Variants in DLGAP1 observed in about 807,000 individuals in gnomAD.
The protein encoded by DLGAP1 is DLG associated protein 1.
Under a neutral mutation model 90.8 loss-of-function variants are expected in DLGAP1, and 11 were observed. That is an observed-to-expected ratio of 0.12 (90% CI 0.08 to 0.20). The LOEUF (loss-of-function observed/expected upper bound fraction) is 0.20, where lower values mean the gene tolerates loss of function less well. DLGAP1 is among the 10% of genes least tolerant of loss of function. DLGAP1 has a pLI of 1.00. For synonymous variants in DLGAP1, 558 were observed against 540.7 expected (o/e 1.03, Z -0.44); for missense variants, 1,050 against 1,333.8 (o/e 0.79, Z 3.31).
intron 2 of DLGAP1, among the ~76,000 whole-genome samples, chr18:4,104,765 T>A (rs2075832624): frequency 6.6e-6 from 1 of 152,196 alleles, no homozygotes; most frequent in Non-Finnish European, 1.5e-5. Flanking sequence ...AAGAATATAA[T>A]AAGAAGGGGT....
At chr18:4,450,758 C>T (rs1366229832) in intron 1 of DLGAP1, among the ~76,000 whole-genome samples, 1 of 152,176 alleles carries the variant, frequency 6.6e-6, no homozygotes, top group African/African-American at 2.4e-5. Context: ...TCAATGGCAA[C>T]AGATGAGCAA....
At chr18:3,920,813 ATAGTTTCAC>A (rs1481383739) in intron 3 of DLGAP1, among the ~76,000 whole-genome samples, 2 of 152,198 alleles carry the variant, frequency 1.3e-5, no homozygotes, top group African/African-American at 4.8e-5. Context: ...CCCATTTTCA[ATAGTTTCAC>A]TAAACATTGA....
chr18:4,207,558 C>T (rs1001667047), intron 1 of DLGAP1, among the ~76,000 whole-genome samples: 2 of 152,246 alleles, frequency 1.3e-5, no homozygotes, highest in Admixed American at 1.3e-4. Flanking sequence ...CTGAGGTAGT[C>T]ACAAGCCCAC....
intron 8 of DLGAP1, among the ~76,000 whole-genome samples, chr18:3,581,076 T>G (rs892083743): frequency 2.0e-5 from 3 of 152,218 alleles, no homozygotes; most frequent in Non-Finnish European, 4.4e-5. Flanking sequence ...TCAACTAGGC[T>G]TGAACCCCAC....
chr18:3,600,698 A>C (rs1410214094), intron 7 of DLGAP1, among the ~76,000 whole-genome samples: 2 of 133,554 alleles, frequency 1.5e-5, no homozygotes, highest in African/African-American at 6.0e-5. Context: ...ATCTATATAG[A>C]TATCTATAGC....
rs768189051 is a variant in DLGAP1 at position 3,534,360 on chromosome 18, G to C, written c.2313C>G (p.Pro771=). Residue 771 remains proline (P), a synonymous_variant, in exon 10 of 13, where the codon CCC becomes CCG. Coordinates refer to ENST00000315677, the MANE Select transcript of DLGAP1 (RefSeq NM_004746.4). ...FDPSILPPPD[P]WIDSITEDPL... is the part of the protein sequence containing the mutation. ...GGTCTTCAGTGATAGAGTCAATCCA[G>C]GGGTCCGGAGGAGGCAGAATAGAGG... 6.2e-7 allele frequency: 1 copy of C among 1,614,156 alleles called. No homozygotes were observed. The highest frequency in any genetic ancestry group is 8.5e-7 in the Non-Finnish European group (1 of 1,180,004).
chr18:4,180,566 A>C (rs2077190124), intron 1 of DLGAP1, among the ~76,000 whole-genome samples: 1 of 152,156 alleles, frequency 6.6e-6, no homozygotes, highest in Admixed American at 6.6e-5. Flanking sequence ...CTGGGATCTG[A>C]TGTTGAAGGT....
intron 3 of DLGAP1, among the ~76,000 whole-genome samples, chr18:3,889,418 CATATAT>C (rs142619953): frequency 1.3e-5 from 2 of 149,658 alleles, no homozygotes; most frequent in Admixed American, 1.3e-4. Context: ...TACATACATG[CATATAT>C]ATATATATAT....
At chr18:4,210,731 A>G (rs1325023970) in intron 1 of DLGAP1, among the ~76,000 whole-genome samples, 1 of 152,170 alleles carries the variant, frequency 6.6e-6, no homozygotes, top group African/African-American at 2.4e-5. Flanking sequence ...TATAAAAACC[A>G]AAATTTAGAA....
chr18:3,623,085 G>A (rs987304255), intron 7 of DLGAP1, among the ~76,000 whole-genome samples: 3 of 152,034 alleles, frequency 2.0e-5, no homozygotes, highest in Admixed American at 6.6e-5. Flanking sequence ...GATTACACGC[G>A]TGAGCCACCA....
At chr18:3,606,061 T>C (rs908535415) in intron 7 of DLGAP1, among the ~76,000 whole-genome samples, 3 of 152,300 alleles carry the variant, frequency 2.0e-5, no homozygotes, top group African/African-American at 4.8e-5. Flanking sequence ...TGGAGAGATA[T>C]TCAGATTTCA....
At chr18:4,418,690 T>A (rs974146226) in intron 1 of DLGAP1, among the ~76,000 whole-genome samples, 1 of 151,822 alleles carries the variant, frequency 6.6e-6, no homozygotes, top group Non-Finnish European at 1.5e-5. Flanking sequence ...TTGGAAAAAA[T>A]GCAGCAGAGT....
intron 3 of DLGAP1, among the ~76,000 whole-genome samples, chr18:3,888,891 A>G (rs957684932): frequency 6.6e-6 from 1 of 152,148 alleles, no homozygotes; most frequent in Non-Finnish European, 1.5e-5. Context: ...TATGCTTCCT[A>G]TGGAATTGTT....
chr18:4,372,697 C>T (rs900413157), intron 1 of DLGAP1, among the ~76,000 whole-genome samples: 6 of 152,120 alleles, frequency 3.9e-5, no homozygotes, highest in East Asian at 3.9e-4. Flanking sequence ...GAGGGTGAGG[C>T]GGGTGGATCA....
At chr18:3,550,792 A>T (rs755378801) in intron 9 of DLGAP1, among the ~76,000 whole-genome samples, 2 of 121,940 alleles carry the variant, frequency 1.6e-5, no homozygotes, top group African/African-American at 3.2e-5. Context: ...CCCAGGCTGG[A>T]GTGCAGTGGC....
chr18:4,007,420 A>G (rs73380518), intron 2 of DLGAP1, among the ~76,000 whole-genome samples: 13,635 of 152,162 alleles, frequency 0.09, 1,758 homozygotes, highest in African/African-American at 0.28. Context: ...CTTGGGAGGC[A>G]GAGGCCGGCA....
chr18:3,575,802 A>G (rs1435894813), intron 8 of DLGAP1, among the ~76,000 whole-genome samples: 2 of 152,160 alleles, frequency 1.3e-5, no homozygotes, highest in African/African-American at 2.4e-5. Flanking sequence ...CCCCAGCACT[A>G]GGGTATCAAG....
chr18:3,840,401 C>T (rs1307891976), intron 4 of DLGAP1, among the ~76,000 whole-genome samples: 1 of 152,142 alleles, frequency 6.6e-6, no homozygotes, highest in African/African-American at 2.4e-5. Flanking sequence ...TCCCCTTGTC[C>T]CATGGTCCCT....
intron 1 of DLGAP1, among the ~76,000 whole-genome samples, chr18:4,180,105 G>C (rs1259718514): frequency 6.6e-6 from 1 of 152,170 alleles, no homozygotes; most frequent in Non-Finnish European, 1.5e-5. Context: ...AATCATGCGT[G>C]CATCAAAGAT....
Sources: allele counts gnomAD v4.1 joint callset (sites outside exome capture counted in the v4.1 genomes callset), GRCh38; gene constraint gnomAD v4.1.1; transcripts MANE v1.5; gene names NCBI Gene and HGNC (gene_info 2026-07-23, HGNC 2026-07-21).